The following MORC2 variants were observed in gnomAD, a reference collection of about 807,000 sequenced individuals.
MORC2 encodes the protein MORC family CW-type zinc finger 2, also known as ATPase MORC2.
In MORC2, 30 loss-of-function variants were observed where a neutral mutation model predicts 136.0. That is an observed-to-expected ratio of 0.22 (90% confidence interval 0.17 to 0.30). The LOEUF (loss-of-function observed/expected upper bound fraction) is 0.30. MORC2 is among the 10% of genes least tolerant of loss of function. The pLI, the probability that MORC2 is intolerant of heterozygous loss-of-function variation, is 1.00. For missense variants in MORC2, 922 were observed against 1,333.1 expected (o/e 0.69, Z 4.80); for synonymous variants, 439 against 487.0 (o/e 0.90, Z 1.30).
intron 16 of MORC2, 71 bp from the exon 17 acceptor site, chr22:30,936,714 G>T: frequency 6.3e-7 from 1 of 1,576,962 alleles, no homozygotes. Context: ...TTTCTCTTCA[G>T]CCAGTCTACA....
At chr22:30,938,718 C>T (rs1485921649) in intron 12 of MORC2, among the ~76,000 whole-genome samples, 6 of 151,946 alleles carry the variant, frequency 3.9e-5, no homozygotes, top group African/African-American at 9.7e-5. Context: ...TACAGGTGCC[C>T]GCCACCATGC....
intron 5 of MORC2, among the ~76,000 whole-genome samples, chr22:30,946,772 C>T (rs921821350): frequency 6.6e-6 from 1 of 152,164 alleles, no homozygotes; most frequent in African/African-American, 2.4e-5. Flanking sequence ...CTCACTCCCC[C>T]CACAACGCTG....
intron 3 of MORC2, among the ~76,000 whole-genome samples, chr22:30,955,962 G>A (rs1168485746): frequency 2.0e-5 from 3 of 146,798 alleles, no homozygotes; most frequent in Admixed American, 7.0e-5. Context: ...AGGCAAGATC[G>A]TGCCACTGCA....
In MORC2 at chr22:30,926,550, CAAAAAAAAAAAAAAAAAAAAAAAA is replaced by C. The variant is rs60514280; in HGVS notation, c.*229_*252del. 1.2e-3 allele frequency: 31 copies of C among 25,786 alleles called. No homozygotes were observed. The highest frequency in any genetic ancestry group is 2.4e-3 in the Admixed American group (3 of 1,252). 1.6% of individuals were successfully genotyped at this position (25,786 alleles called of 1,614,324 possible). A position where few individuals can be genotyped will look rare whatever the true frequency, so the allele number is the denominator to read the frequency against. The stretch of plus-strand genomic sequence containing the variant: ...AAGGTTCTCTGTCCTTTGCAGTCAC[CAAAAAAAAAAAAAAAAAAAAAAAA>C]AAAAAAAAAAAAGTATGGTCTCACA... On this transcript the variant is annotated 3_prime_UTR_variant, in exon 26 of 26. Coordinates refer to ENST00000397641, the MANE Select transcript of MORC2 (RefSeq NM_001303256.3).
chr22:30,966,816 G>A (rs538441691), intron 1 of MORC2, among the ~76,000 whole-genome samples: 272 of 152,106 alleles, frequency 1.8e-3, no homozygotes, highest in Non-Finnish European at 2.9e-3. Context: ...AATAAAAACA[G>A]GCTTTCACCA....
intron 3 of MORC2, among the ~76,000 whole-genome samples, chr22:30,952,180 G>A (rs1019098731): frequency 6.6e-6 from 1 of 152,202 alleles, no homozygotes; most frequent in Non-Finnish European, 1.5e-5. Context: ...TCCATCTGGA[G>A]GAAGCCAAGT....
intron 12 of MORC2, 152 bp downstream of exon 12, chr22:30,939,469 G>C (rs2040708167): frequency 2.8e-6 from 2 of 719,552 alleles, no homozygotes; most frequent in Non-Finnish European, 4.5e-6. Context: ...AAAGGGCTGA[G>C]AGCTAGGATT....
Position 30,938,000 on chromosome 22 carries a change from C to A in MORC2, c.1215-31G>T, listed in dbSNP as rs1277583130. 6.2e-7 allele frequency: 1 copy of A among 1,613,772 alleles called. No individual in the cohort carries two copies. Among genetic ancestry groups the A allele is most frequent in the African/African-American group, 1.3e-5 (1 of 74,862 alleles). Reference sequence around the variant, plus strand: ...GGGAGAAAGAGAACAAGCTCTGTCACCCCACTGGCAACGCCCTCCTGCCAA... The same window carrying A: ...GGGAGAAAGAGAACAAGCTCTGTCAACCCACTGGCAACGCCCTCCTGCCAA... On this transcript the variant is annotated intron_variant, in intron 13 of 25. Coordinates refer to ENST00000397641, the MANE Select transcript of MORC2 (RefSeq NM_001303256.3). The surrounding 1 kb of genome is among the most constrained non-coding windows in gnomAD (Gnocchi z 4.7).
chr22:30,962,343 C>A (rs1283454921), intron 1 of MORC2, among the ~76,000 whole-genome samples: 1 of 151,986 alleles, frequency 6.6e-6, no homozygotes, highest in Non-Finnish European at 1.5e-5. Context: ...CCAGCAGATG[C>A]CTTTAGCCCA....
chr22:30,953,585 A>T (rs566655915), intron 3 of MORC2, among the ~76,000 whole-genome samples: 1 of 152,350 alleles, frequency 6.6e-6, no homozygotes, highest in South Asian at 2.1e-4. Context: ...CAAGTTCTTC[A>T]TCATACTCTG....
intron 10 of MORC2, 76 bp from the exon 11 acceptor site, chr22:30,940,117 C>G: frequency 7.0e-7 from 1 of 1,431,610 alleles, no homozygotes; most frequent in South Asian, 1.2e-5. Context: ...ATCCACAGTA[C>G]TGGACACGAA....
At chr22:30,950,580 G>T in intron 3 of MORC2, 135 bp from the exon 4 acceptor site, 1 of 782,040 alleles carries the variant, frequency 1.3e-6, no homozygotes, top group South Asian at 1.7e-5. Flanking sequence ...ACGCTGGTGT[G>T]AATTAAACTT....
chr22:30,926,762 T>G lies in MORC2; in HGVS notation c.*41A>C. ...TCCCCTCCCCCTGCAGCTACAGGGT[T>G]GAGGGGCAGGTGGGCAGGGGAGCTG... On this transcript the variant is annotated 3_prime_UTR_variant, in exon 26 of 26. Transcript: ENST00000397641. The G allele has an allele frequency of 6.4e-7, 1 of 1,558,488 alleles. No homozygotes were observed. Among genetic ancestry groups the G allele is most frequent in the South Asian group, 1.1e-5 (1 of 89,660 alleles).
Position 30,928,146 on chromosome 22 carries a change from C to T in MORC2, c.2903G>A (p.Arg968His), listed in dbSNP as rs370918395. Residue 968 changes from arginine to histidine, a missense_variant, in exon 25 of 26, where the codon CGT becomes CAT. Transcript: ENST00000397641. ...GGAGGCCTTGGCCCGGGAGTCAGCA[C>T]GGCTCTGGTAGGAATTGCACAGGTT... is the stretch of plus-strand genomic sequence containing the variant. ...LQNLCNSYQS[R>H]ADSRAKASEE... 15 of 1,614,020 alleles carry T rather than the reference C, an allele frequency of 9.3e-6. No homozygotes were observed. Among genetic ancestry groups the T allele is most frequent in the South Asian group, 2.2e-5 (2 of 91,076 alleles).
At position 30,938,054 on chromosome 22, in the gene MORC2, GT is replaced by G. The variant is rs2147257013; in HGVS notation, c.1214+10del. ...TCCTGGGCTAGACAGCTCTCTGTGG[GT>G]AGTACTCACATGCCCCCTTCCAGCT... On this transcript the variant is annotated intron_variant, in intron 13 of 25. Coordinates refer to ENST00000397641, the MANE Select transcript of MORC2 (RefSeq NM_001303256.3). 2 of 1,614,058 alleles carry G rather than the reference GT, an allele frequency of 1.2e-6. No homozygotes were observed. The highest frequency in any genetic ancestry group is 1.7e-6 in the Non-Finnish European group (2 of 1,180,000).
At chr22:30,958,748 T>C (rs1217229964) in intron 1 of MORC2, 54 bp from the exon 2 acceptor site, 16 of 1,398,204 alleles carry the variant, frequency 1.1e-5, no homozygotes, top group Non-Finnish European at 1.6e-5. Context: ...TTATAATTCC[T>C]AATAAAAAGC....
At chr22:30,933,947 G>A in intron 20 of MORC2, 113 bp downstream of exon 20, 1 of 1,354,286 alleles carries the variant, frequency 7.4e-7, no homozygotes, top group Non-Finnish European at 1.0e-6. Context: ...CTGCTGGTGG[G>A]TTGTGTAGAC....
In MORC2 at chr22:30,934,956, G is replaced by A; in HGVS notation, c.2018C>T (p.Ala673Val). The A allele has an allele frequency of 6.2e-7, 1 of 1,614,142 alleles. No homozygotes were observed. Among genetic ancestry groups the A allele is most frequent in the South Asian group, 1.1e-5 (1 of 91,076 alleles). The change falls in exon 19 of 26, where the codon GCA becomes GTA. Residue 673 changes from alanine to valine, a missense_variant. This residue lies in a region of MORC2 where 184 missense variants were observed against 180.3 expected (regional missense o/e 1.02). Transcript: ENST00000397641. The surrounding 1 kb of genome is among the most constrained non-coding windows in gnomAD (Gnocchi z 4.4). ...GAGAGTGTTGGCAGGCTTTCGGGGTGCCTCAGGTGGCTGGAGCAGCCTAGA... is the reference window on the plus strand; with the variant it reads ...GAGAGTGTTGGCAGGCTTTCGGGGTACCTCAGGTGGCTGGAGCAGCCTAGA... ...STSRLLQPPE[A>V]PRKPANTLVK... is the part of the protein sequence containing the mutation.
chr22:30,965,288 G>C (rs951482223), intron 1 of MORC2, among the ~76,000 whole-genome samples: 8 of 152,188 alleles, frequency 5.3e-5, no homozygotes. Flanking sequence ...ACAGAACAAA[G>C]GAGAAGAGAG....
Sources: allele counts gnomAD v4.1 joint callset (sites outside exome capture counted in the v4.1 genomes callset), GRCh38; gene constraint gnomAD v4.1.1; regional missense constraint gnomAD v4.1.1; non-coding constraint Gnocchi (gnomAD v3.1); transcripts MANE v1.5; gene names NCBI Gene and HGNC (gene_info 2026-07-23, HGNC 2026-07-21).